Variants in NREP observed in about 807,000 individuals in gnomAD.
NREP encodes neuronal regeneration-related protein.
Under a neutral mutation model 8.6 loss-of-function variants are expected in NREP, and 5 were observed. The observed-to-expected ratio is 0.58, with a 90% CI of 0.30 to 1.22. The LOEUF (loss-of-function observed/expected upper bound fraction) is 1.22. NREP is among the 50% of genes most tolerant of loss of function. The pLI, the probability that NREP is intolerant of heterozygous loss-of-function variation, is 0.07. For synonymous variants in NREP, 27 were observed against 28.0 expected (o/e 0.96, Z 0.11); for missense variants, 86 against 82.5 (o/e 1.04, Z -0.17).
chr5:111,969,847 G>A (rs1352311200), intron 2 of NREP, among the ~76,000 whole-genome samples: 1 of 152,146 alleles, frequency 6.6e-6, no homozygotes, highest in Non-Finnish European at 1.5e-5. Context: ...AGGGTCACTG[G>A]GTAAAAATGT....
At chr5:111,849,048 A>G (rs1375965009) in intron 2 of NREP, among the ~76,000 whole-genome samples, 1 of 152,176 alleles carries the variant, frequency 6.6e-6, no homozygotes. Flanking sequence ...TCTTTGCTCA[A>G]TGAGCTGATA....
At chr5:111,772,951 A>G (rs1751271247) in intron 2 of NREP, among the ~76,000 whole-genome samples, 1 of 152,162 alleles carries the variant, frequency 6.6e-6, no homozygotes, top group African/African-American at 2.4e-5. Flanking sequence ...TGATATTCAA[A>G]TGTTCCATTT....
chr5:111,847,678 G>C (rs1185921748), intron 2 of NREP, among the ~76,000 whole-genome samples: 1 of 152,138 alleles, frequency 6.6e-6, no homozygotes, highest in Non-Finnish European at 1.5e-5. Context: ...TCTGTGTTTG[G>C]AGACAAGGTC....
chr5:111,901,100 C>T (rs919198688), intron 2 of NREP, among the ~76,000 whole-genome samples: 2 of 152,064 alleles, frequency 1.3e-5, no homozygotes, highest in African/African-American at 4.8e-5. Context: ...AAGAATGGTT[C>T]AACATGTGCA....
chr5:111,835,048 A>G (rs1336296888), intron 2 of NREP, among the ~76,000 whole-genome samples: 2 of 152,188 alleles, frequency 1.3e-5, no homozygotes, highest in African/African-American at 4.8e-5. Flanking sequence ...TTCCTTGCAC[A>G]GAAGGTCTTT....
intron 2 of NREP, among the ~76,000 whole-genome samples, chr5:111,926,436 G>A (rs535575836): frequency 1.3e-5 from 2 of 152,110 alleles, no homozygotes; most frequent in Non-Finnish European, 2.9e-5. Context: ...AGAGGTCTGT[G>A]TTGTCCCACA....
intron 2 of NREP, among the ~76,000 whole-genome samples, chr5:111,869,357 A>C (rs765150624): frequency 4.6e-5 from 7 of 152,236 alleles, no homozygotes; most frequent in Non-Finnish European, 1.0e-4. Flanking sequence ...TATTTCAAAT[A>C]TATGTAGTTA....
chr5:111,838,936 A>T (rs1752961261), intron 2 of NREP, among the ~76,000 whole-genome samples: 1 of 152,128 alleles, frequency 6.6e-6, no homozygotes, highest in Non-Finnish European at 1.5e-5. Flanking sequence ...TTAGACAATT[A>T]AAGTATTGTC....
chr5:111,867,880 T>C (rs1753703774), intron 2 of NREP, among the ~76,000 whole-genome samples: 1 of 152,074 alleles, frequency 6.6e-6, no homozygotes, highest in African/African-American at 2.4e-5. Flanking sequence ...ACTGTATAAT[T>C]TCATGACATC....
chr5:111,863,539 C>G (rs1020389883), intron 2 of NREP, among the ~76,000 whole-genome samples: 1 of 151,922 alleles, frequency 6.6e-6, no homozygotes, highest in African/African-American at 2.4e-5. Flanking sequence ...AAAAGCAGGT[C>G]CAGGACCAAG....
chr5:111,825,466 T>C (rs1389790671), intron 2 of NREP, among the ~76,000 whole-genome samples: 2 of 152,190 alleles, frequency 1.3e-5, no homozygotes, highest in African/African-American at 4.8e-5. Flanking sequence ...TGTCTCTCTT[T>C]CTAGAATACA....
At chr5:111,810,214 A>G (rs976256446) in intron 2 of NREP, among the ~76,000 whole-genome samples, 1 of 152,204 alleles carries the variant, frequency 6.6e-6, no homozygotes, top group Non-Finnish European at 1.5e-5. Flanking sequence ...TACAGAGCCC[A>G]TGAGGCAACG....
At chr5:111,891,655 T>A (rs951297427) in intron 2 of NREP, among the ~76,000 whole-genome samples, 2 of 152,208 alleles carry the variant, frequency 1.3e-5, no homozygotes, top group East Asian at 3.8e-4. Flanking sequence ...AATGCCAGTA[T>A]CTGCTTCTGA....
At chr5:111,825,299 G>T (rs1264257434) in intron 2 of NREP, among the ~76,000 whole-genome samples, 1 of 152,172 alleles carries the variant, frequency 6.6e-6, no homozygotes, top group Non-Finnish European at 1.5e-5. Context: ...AGTGCTCATT[G>T]TTTCTACCTC....
chr5:111,882,173 C>T (rs1375562386), intron 2 of NREP, among the ~76,000 whole-genome samples: 2 of 151,972 alleles, frequency 1.3e-5, no homozygotes, highest in African/African-American at 2.4e-5. Flanking sequence ...TGGAGAACTA[C>T]GTGAAGAATG....
At chr5:111,731,994 T>A (rs1419902808) in intron 3 of NREP, 3 of 152,230 alleles carry the variant, frequency 2.0e-5, no homozygotes, top group Non-Finnish European at 4.4e-5. Context: ...CAGTGAAGAT[T>A]TGACGATGGT....
chr5:111,911,400 T>C (rs1305365325), intron 2 of NREP, among the ~76,000 whole-genome samples: 1 of 152,088 alleles, frequency 6.6e-6, no homozygotes, highest in African/African-American at 2.4e-5. Flanking sequence ...AGTTCAACCC[T>C]ACACAATTGT....
chr5:111,816,898 A>G (rs1469594942), intron 2 of NREP, among the ~76,000 whole-genome samples: 1 of 152,016 alleles, frequency 6.6e-6, no homozygotes, highest in Non-Finnish European at 1.5e-5. Context: ...ATGGAAAAAG[A>G]TAAATTGTAA....
chr5:111,748,061 C>T (rs988794944), intron 2 of NREP, among the ~76,000 whole-genome samples: 5 of 152,156 alleles, frequency 3.3e-5, no homozygotes, highest in Non-Finnish European at 7.4e-5. Context: ...TAGTGGCGCC[C>T]CACAGCCAGT....
Sources: allele counts gnomAD v4.1 joint callset (sites outside exome capture counted in the v4.1 genomes callset), GRCh38; gene constraint gnomAD v4.1.1; transcripts MANE v1.5; gene names NCBI Gene and HGNC (gene_info 2026-07-23, HGNC 2026-07-21).